Variants in LATS1 observed in about 807,000 individuals in gnomAD.
LATS1 encodes the protein serine/threonine-protein kinase LATS1.
LATS1 carries 25 observed loss-of-function variants against 106.6 expected under a neutral mutation model. That is an observed-to-expected ratio of 0.23 (90% CI 0.17 to 0.33). The LOEUF (loss-of-function observed/expected upper bound fraction) is 0.33, where lower values mean the gene tolerates loss of function less well. Ranked by LOEUF, LATS1 falls within the 10% of genes least tolerant of loss-of-function variation. The pLI is 1.00. For synonymous variants in LATS1, 465 were observed against 455.6 expected (o/e 1.02, Z -0.26); for missense variants, 1,040 against 1,382.6 (o/e 0.75, Z 3.93).
At chr6:149,707,380 C>T (rs1383647658) in intron 1 of LATS1, among the ~76,000 whole-genome samples, 2 of 152,054 alleles carry the variant, frequency 1.3e-5, no homozygotes, top group African/African-American at 4.8e-5. Context: ...GGGGTTTACG[C>T]CTGTAATCCC....
chr6:149,661,632 G>T lies in LATS1; in HGVS notation c.*97C>A, dbSNP rs781693306. 5.2e-6 allele frequency: 5 copies of T among 962,910 alleles called. No homozygotes were observed. The highest frequency in any genetic ancestry group is 7.7e-6 in the Non-Finnish European group (5 of 648,488). 59.6% of individuals were successfully genotyped at this position (962,910 alleles called of 1,614,324 possible). A position where few individuals can be genotyped will look rare whatever the true frequency, so the allele number is the denominator to read the frequency against. ...ATTGTACACAGAGCACACATATATA[G>T]CTCTGTCATATTTGCATAATTTTAC... On this transcript the variant is annotated 3_prime_UTR_variant, in exon 8 of 8. Coordinates refer to ENST00000543571, the MANE Select transcript of LATS1 (RefSeq NM_004690.4).
Position 149,659,643 on chromosome 6 carries a change from G to T in LATS1, c.*2086C>A, listed in dbSNP as rs767974386. The T allele has an allele frequency of 1.3e-5, 3 of 228,492 alleles. No homozygotes were observed. The highest frequency in any genetic ancestry group is 2.6e-5 in the Non-Finnish European group (3 of 115,258). The allele number at this position is 228,492 out of a possible 1,614,324, so 14.2% of individuals were successfully genotyped here. ...TAGTCCAAAAGTAAAACAACTAAATGAAAATTTAAATAAATCAGACTGAAA... is the reference window on the plus strand; with the variant it reads ...TAGTCCAAAAGTAAAACAACTAAATTAAAATTTAAATAAATCAGACTGAAA... On this transcript the variant is annotated 3_prime_UTR_variant, in exon 8 of 8. Transcript: ENST00000543571.
At chr6:149,665,780 G>A (rs774020985) in intron 7 of LATS1, among the ~76,000 whole-genome samples, 1 of 152,142 alleles carries the variant, frequency 6.6e-6, no homozygotes, top group Non-Finnish European at 1.5e-5. Flanking sequence ...AAAAAGACTG[G>A]TTGGAACTTG....
intron 7 of LATS1, among the ~76,000 whole-genome samples, chr6:149,673,960 C>T (rs1218245751): frequency 6.6e-6 from 1 of 151,702 alleles, no homozygotes; most frequent in Admixed American, 6.6e-5. Flanking sequence ...CAGGCATGAG[C>T]CACCACACCC....
intron 3 of LATS1, among the ~76,000 whole-genome samples, chr6:149,690,709 G>T (rs947514740): frequency 2.0e-5 from 3 of 151,562 alleles, no homozygotes; most frequent in Non-Finnish European, 4.4e-5. Flanking sequence ...ACCAAACCTG[G>T]ATAATTTTTT....
At chr6:149,703,496 T>A (rs760063599) in intron 1 of LATS1, among the ~76,000 whole-genome samples, 5 of 152,146 alleles carry the variant, frequency 3.3e-5, no homozygotes, top group Non-Finnish European at 7.3e-5. Context: ...CTTAGCTGGA[T>A]ATACAGTACT....
At chr6:149,705,792 T>C (rs1783729873) in intron 1 of LATS1, among the ~76,000 whole-genome samples, 1 of 152,118 alleles carries the variant, frequency 6.6e-6, no homozygotes. Flanking sequence ...TTCAAGTATT[T>C]ATATAAATAT....
At chr6:149,699,366 G>A (rs1052098651) in intron 2 of LATS1, among the ~76,000 whole-genome samples, 5 of 151,998 alleles carry the variant, frequency 3.3e-5, no homozygotes, top group African/African-American at 7.3e-5. Flanking sequence ...AGTGAAGAGC[G>A]CCTCTGCCTG....
rs945496990 is a variant in LATS1, at chr6:149,702,227, C to G, written c.-101G>C. 22 of 676,414 alleles carry G rather than the reference C, an allele frequency of 3.3e-5. No individual in the cohort carries two copies. The highest frequency in any genetic ancestry group is 4.8e-5 in the Non-Finnish European group (19 of 399,320). The allele number at this position is 676,414 out of a possible 1,614,324, so 41.9% of individuals were successfully genotyped here. A position where few individuals can be genotyped will look rare whatever the true frequency, so the allele number is the denominator to read the frequency against. On this transcript the variant is annotated 5_prime_UTR_variant, in exon 2 of 8. Transcript: ENST00000543571. ...TGAAAATGATCCTTCAAGGAAGTCC[C>G]CAGGACTGTTAAAATTCTTTACAAT...
At chr6:149,687,217 T>G (rs1361993815) in intron 3 of LATS1, among the ~76,000 whole-genome samples, 4 of 151,492 alleles carry the variant, frequency 2.6e-5, no homozygotes, top group African/African-American at 9.7e-5. Flanking sequence ...CAGCCCCCTG[T>G]GTAGCTGGGA....
At chr6:149,682,945 T>G (rs1782136960) in intron 4 of LATS1, 134 bp downstream of exon 4, 2 of 705,130 alleles carry the variant, frequency 2.8e-6, no homozygotes, top group Non-Finnish European at 4.4e-6. Context: ...ATTTATTCAC[T>G]TTTAAATTCC....
chr6:149,667,438 CAAAAAAAAAAAAAAA>C (rs1189854950), intron 7 of LATS1, among the ~76,000 whole-genome samples: 1 of 33,974 alleles, frequency 2.9e-5, no homozygotes, highest in Admixed American at 4.2e-4. Flanking sequence ...GACTGTATCT[CAAAAAAAAAAAAAAA>C]AAAAAAAAAA....
chr6:149,666,167 A>G (rs1458800432), intron 7 of LATS1, among the ~76,000 whole-genome samples: 4 of 150,368 alleles, frequency 2.7e-5, no homozygotes, highest in Non-Finnish European at 4.4e-5. Flanking sequence ...AAAAATCCAG[A>G]GTCTCATAAC....
In LATS1 at chr6:149,683,911, C is replaced by T; in HGVS notation, c.1178G>A (p.Gly393Glu). The T allele has an allele frequency of 6.2e-7, 1 of 1,613,460 alleles. No homozygotes were observed. Among genetic ancestry groups the T allele is most frequent in the East Asian group, 2.2e-5 (1 of 44,834 alleles). Residue 393 changes from glycine to glutamate, a missense_variant, in exon 4 of 8, where the codon GGA (glycine) becomes GAA (glutamate). By Grantham distance (98) the Gly-to-Glu change is moderately conservative. Transcript: ENST00000543571. ...GQSPSALQTGGSAAPSSYTNG... is the reference protein window; with the variant it reads ...GQSPSALQTGESAAPSSYTNG... ...TGTATATGACGAAGGAGCAGCAGAT[C>T]CCCCTGTTTGTAAAGCAGAAGGGCT...
chr6:149,677,266 G>A (rs574630807), intron 5 of LATS1, among the ~76,000 whole-genome samples: 1 of 152,316 alleles, frequency 6.6e-6, no homozygotes, highest in South Asian at 2.1e-4. Context: ...GACCAGTTAA[G>A]AAGGTGACTT....
chr6:149,680,491 A>T, intron 4 of LATS1, 34 bp from the exon 5 acceptor site: 1 of 1,397,816 alleles, frequency 7.2e-7, no homozygotes, highest in Non-Finnish European at 9.8e-7. Flanking sequence ...AATAAGAATT[A>T]TCTTCTTCAA....
intron 1 of LATS1, chr6:149,716,148 C>A (rs915264474): frequency 6.6e-6 from 1 of 151,494 alleles, no homozygotes; most frequent in Non-Finnish European, 1.5e-5. Context: ...AAAAATGATA[C>A]CATTACATAA....
At chr6:149,692,677 CTT>C (rs113162358) in intron 3 of LATS1, among the ~76,000 whole-genome samples, 20 of 141,748 alleles carry the variant, frequency 1.4e-4, no homozygotes, top group Admixed American at 1.4e-4. Context: ...CTTTTTCTTT[CTT>C]TTTTTTTTTT....
chr6:149,713,986 C>CT lies in LATS1; in HGVS notation c.-141+3862dup, dbSNP rs72490808. On this transcript the variant is annotated intron_variant, in intron 1 of 7. Transcript: ENST00000543571. ...CTCTTTTTTTCTTTTATCATTATTA[C>CT]TTTTTTTTTTTTGTGAGACTGTCTC... Among the ~76,000 whole-genome samples, 223 of 144,064 alleles carry CT rather than the reference C, an allele frequency of 1.5e-3. 1 individual carries two copies. Among genetic ancestry groups the CT allele is most frequent in the African/African-American group, 3.8e-3 (151 of 39,448 alleles). The allele number at this position is 144,064 out of a possible 152,430, so 94.5% of individuals were successfully genotyped here.
Sources: gnomAD v4.1 joint callset for allele counts (sites outside exome capture counted in the v4.1 genomes callset) on GRCh38, gnomAD v4.1.1 for gene constraint, MANE v1.5 for transcripts, NCBI Gene and HGNC (gene_info 2026-07-23, HGNC 2026-07-21) for gene names.